Variants in MAN1A1 observed in about 807,000 individuals in gnomAD.
MAN1A1 encodes mannosidase alpha class 1A member 1, also known as mannosyl-oligosaccharide 1,2-alpha-mannosidase IA.
In MAN1A1, 29 loss-of-function variants were observed where a neutral mutation model predicts 70.8. That is an observed-to-expected ratio of 0.41 (90% CI 0.31 to 0.56). MAN1A1 has a LOEUF of 0.56. Among genes scored for constraint, MAN1A1 ranks in the 20% least tolerant of loss-of-function variants. MAN1A1 has a pLI of 0.29. For missense variants in MAN1A1, 747 were observed against 841.3 expected, an observed-to-expected ratio of 0.89 and a Z score of 1.39; for synonymous variants, 349 against 330.1, an observed-to-expected ratio of 1.06 and a Z score of -0.62.
chr6:119,274,294 G>C (rs1775997272), intron 5 of MAN1A1, among the ~76,000 whole-genome samples: 1 of 151,998 alleles, frequency 6.6e-6, no homozygotes, highest in Non-Finnish European at 1.5e-5. Context: ...CTTTTTCTAA[G>C]TGAATAAAAT....
At chr6:119,201,742 C>T (rs1259955005) in intron 7 of MAN1A1, among the ~76,000 whole-genome samples, 2 of 152,174 alleles carry the variant, frequency 1.3e-5, no homozygotes, top group Admixed American at 1.3e-4. Context: ...ATGTAGTTGG[C>T]ACAGCCTACT....
chr6:119,277,038 T>C (rs755835469), intron 5 of MAN1A1, among the ~76,000 whole-genome samples: 1 of 152,214 alleles, frequency 6.6e-6, no homozygotes, highest in Non-Finnish European at 1.5e-5. Context: ...CTATTTGTAC[T>C]ACTTCAGAGG....
At chr6:119,297,190 C>A (rs1052961021) in intron 4 of MAN1A1, among the ~76,000 whole-genome samples, 2 of 152,136 alleles carry the variant, frequency 1.3e-5, no homozygotes, top group Non-Finnish European at 2.9e-5. Flanking sequence ...GGGGCCACTA[C>A]AAATCTGTTC....
intron 2 of MAN1A1, among the ~76,000 whole-genome samples, chr6:119,309,322 T>C (rs957906636): frequency 3.3e-5 from 5 of 152,192 alleles, no homozygotes; most frequent in African/African-American, 1.2e-4. Context: ...AATCAACTTG[T>C]TAACTCAGAT....
At chr6:119,300,937 A>C (rs139952492) in intron 4 of MAN1A1, among the ~76,000 whole-genome samples, 2 of 152,198 alleles carry the variant, frequency 1.3e-5, no homozygotes, top group Admixed American at 1.3e-4. Context: ...TTTTAATTGA[A>C]ATAGATGGGG....
At chr6:119,298,177 C>A (rs1404305325) in intron 4 of MAN1A1, among the ~76,000 whole-genome samples, 4 of 152,172 alleles carry the variant, frequency 2.6e-5, no homozygotes, top group Non-Finnish European at 5.9e-5. Flanking sequence ...AAAATGCATT[C>A]ATGGAGTCAA....
chr6:119,243,394 A>G (rs1380930801), intron 6 of MAN1A1, among the ~76,000 whole-genome samples: 1 of 152,120 alleles, frequency 6.6e-6, no homozygotes, highest in Non-Finnish European at 1.5e-5. Flanking sequence ...AATAATGCAG[A>G]AATTTATGCT....
chr6:119,202,337 T>C (rs1773735803), intron 7 of MAN1A1, among the ~76,000 whole-genome samples: 2 of 152,174 alleles, frequency 1.3e-5, no homozygotes, highest in South Asian at 2.1e-4. Context: ...TCAATATCAC[T>C]GTCTTCCACT....
intron 6 of MAN1A1, among the ~76,000 whole-genome samples, chr6:119,220,423 T>A (rs968733326): frequency 4.6e-5 from 7 of 152,234 alleles, no homozygotes; most frequent in Admixed American, 3.9e-4. Context: ...ATGGTTTAAG[T>A]TTCCTTCTCT....
intron 2 of MAN1A1, among the ~76,000 whole-genome samples, chr6:119,337,123 T>C (rs1274004130): frequency 6.6e-6 from 1 of 152,210 alleles, no homozygotes; most frequent in Admixed American, 6.5e-5. Flanking sequence ...TTCACCAGTT[T>C]ACAGTCATAT....
intron 2 of MAN1A1, chr6:119,327,232 G>A (rs1280788820): frequency 6.6e-6 from 1 of 152,176 alleles, no homozygotes; most frequent in Non-Finnish European, 1.5e-5. Flanking sequence ...CAGAGATTCA[G>A]CTGAACAGGA....
chr6:119,297,648 T>G (rs1362126762), intron 4 of MAN1A1, among the ~76,000 whole-genome samples: 1 of 152,022 alleles, frequency 6.6e-6, no homozygotes, highest in African/African-American at 2.4e-5. Flanking sequence ...CTCTGTATGC[T>G]TGTCACAAAG....
intron 6 of MAN1A1, among the ~76,000 whole-genome samples, chr6:119,221,993 A>G (rs1774375467): frequency 6.6e-6 from 1 of 152,176 alleles, no homozygotes; most frequent in African/African-American, 2.4e-5. Context: ...TCAATTCACT[A>G]AATATTTTAC....
In MAN1A1 at chr6:119,179,826, T is replaced by C. The variant is rs747213314; in HGVS notation, c.1955A>G (p.Glu652Gly). The stretch of plus-strand genomic sequence containing the variant: ...AAAATATAAAATGTCTTTTTATTCC[T>C]CTCTGATTTCAACTTCCTTTTTATC... ...PKDKKEVEIR[E>G]E Residue 652 changes from glutamate (E) to glycine (G), a missense_variant, in exon 13 of 13, where the codon GAG becomes GGG. Coordinates refer to ENST00000368468, the MANE Select transcript of MAN1A1 (RefSeq NM_005907.4). The C allele has an allele frequency of 1.9e-6, 3 of 1,612,108 alleles. No homozygotes were observed. In the Admixed American group the frequency reaches 5.0e-5, roughly 27 times the overall value.
At position 119,348,715 on chromosome 6, in the gene MAN1A1, C is replaced by T. The variant is rs747255988; in HGVS notation, c.351G>A (p.Leu117=). 5.6e-6 allele frequency: 9 copies of T among 1,593,748 alleles called. No individual in the cohort carries two copies. The highest frequency in any genetic ancestry group is 1.8e-4 in the Middle Eastern group (1 of 5,464). Reference sequence around the variant, plus strand: ...CGCGGATCCTGGCCAAGTTGTCCTCCAGGGCGGCCTCCGGGTCCCCGGGTG... The same window carrying T: ...CGCGGATCCTGGCCAAGTTGTCCTCTAGGGCGGCCTCCGGGTCCCCGGGTG... The part of the protein sequence containing the change: ...EGAPGDPEAA[L]EDNLARIREN... Residue 117 remains leucine (L), a synonymous_variant, in exon 2 of 13, where the codon CTG becomes CTA. Transcript: ENST00000368468.
intron 6 of MAN1A1, among the ~76,000 whole-genome samples, chr6:119,239,655 A>G (rs1235693522): frequency 6.6e-6 from 1 of 152,232 alleles, no homozygotes; most frequent in African/African-American, 2.4e-5. Flanking sequence ...ACTATTTCAT[A>G]AATTTTAAAA....
chr6:119,222,326 A>ATTTT (rs35446116), intron 6 of MAN1A1, among the ~76,000 whole-genome samples: 3 of 115,314 alleles, frequency 2.6e-5, no homozygotes, highest in Non-Finnish European at 3.7e-5. Flanking sequence ...TTTTTTAAGG[A>ATTTT]TTTTTTTTTT....
chr6:119,242,588 T>C (rs1231285416), intron 6 of MAN1A1, among the ~76,000 whole-genome samples: 1 of 152,170 alleles, frequency 6.6e-6, no homozygotes, highest in Non-Finnish European at 1.5e-5. Context: ...ACCATATTCA[T>C]ATATACTCTT....
chr6:119,210,988 A>T (rs1294258322), intron 6 of MAN1A1: 1 of 434,296 alleles, frequency 2.3e-6, no homozygotes, highest in African/African-American at 2.0e-5. Flanking sequence ...ATCTACACAC[A>T]ATCATTTATA....
Sources: gnomAD v4.1 joint callset for allele counts (sites outside exome capture counted in the v4.1 genomes callset) on GRCh38, gnomAD v4.1.1 for gene constraint, MANE v1.5 for transcripts, NCBI Gene and HGNC (gene_info 2026-07-23, HGNC 2026-07-21) for gene names.